The following TDRD5 variants were observed in gnomAD, a reference collection of about 807,000 sequenced individuals.
TDRD5 encodes tudor domain-containing protein 5.
TDRD5 carries 41 observed loss-of-function variants against 120.6 expected under a neutral mutation model. The observed-to-expected ratio is 0.34, with a 90% confidence interval of 0.26 to 0.44. TDRD5 has a LOEUF of 0.44. TDRD5 is among the 20% of genes least tolerant of loss of function. The pLI is 1.00. For synonymous variants in TDRD5, 430 were observed against 433.7 expected (o/e 0.99, Z 0.11); for missense variants, 1,006 against 1,221.2 (o/e 0.82, Z 2.63).
At chr1:179,674,954 A>G (rs1680045465) in intron 17 of TDRD5, among the ~76,000 whole-genome samples, 1 of 152,068 alleles carries the variant, frequency 6.6e-6, no homozygotes, top group Non-Finnish European at 1.5e-5. Context: ...AATCTCACTA[A>G]TGGTCTTTCA....
intron 13 of TDRD5, among the ~76,000 whole-genome samples, chr1:179,653,416 G>A (rs187416027): frequency 1.8e-4 from 28 of 152,136 alleles, no homozygotes; most frequent in African/African-American, 5.3e-4. Flanking sequence ...AATATGTACC[G>A]ATGTTTCCTA....
intron 6 of TDRD5, among the ~76,000 whole-genome samples, chr1:179,628,128 G>C (rs145758142): frequency 6.6e-6 from 1 of 152,114 alleles, no homozygotes; most frequent in Non-Finnish European, 1.5e-5. Context: ...TAATTTGCAG[G>C]AAATAAAGTG....
At chr1:179,690,526 A>G (rs1359482967) in intron 17 of TDRD5, among the ~76,000 whole-genome samples, 170 bp from the exon 18 acceptor site, 1 of 152,060 alleles carries the variant, frequency 6.6e-6, no homozygotes, top group Non-Finnish European at 1.5e-5. Context: ...TTTCCTTTCC[A>G]TTTGTTGACT....
intron 4 of TDRD5, among the ~76,000 whole-genome samples, chr1:179,617,661 G>C (rs908988884): frequency 6.6e-6 from 1 of 151,310 alleles, no homozygotes; most frequent in Non-Finnish European, 1.5e-5. Flanking sequence ...CTTTAATGTC[G>C]ATTGAACAAA....
At chr1:179,619,067 G>C (rs1431683303) in intron 5 of TDRD5, among the ~76,000 whole-genome samples, 2 of 152,020 alleles carry the variant, frequency 1.3e-5, no homozygotes, top group Non-Finnish European at 2.9e-5. Context: ...ATTGATTAAA[G>C]TTTTGGTGTT....
At chr1:179,643,325 GA>G (rs1038941564) in intron 11 of TDRD5, among the ~76,000 whole-genome samples, 97 of 151,618 alleles carry the variant, frequency 6.4e-4, no homozygotes, top group African/African-American at 2.2e-3. Context: ...CTAGACATGG[GA>G]GAAAAAAAAA....
intron 17 of TDRD5, among the ~76,000 whole-genome samples, chr1:179,673,225 C>T (rs778610671): frequency 5.3e-5 from 8 of 152,242 alleles, no homozygotes; most frequent in East Asian, 3.8e-4. Context: ...TACCCATCCA[C>T]GAGCATGAGA....
At chr1:179,622,145 TAAGCTCTGCTCAGATCTCTGCC>T (rs1450426539) in intron 6 of TDRD5, among the ~76,000 whole-genome samples, 1 of 152,210 alleles carries the variant, frequency 6.6e-6, no homozygotes, top group Non-Finnish European at 1.5e-5. Context: ...GCCTGGCACA[TAAGCTCTGCTCAGATCTCTGCC>T]TGACCTTTAA....
At chr1:179,623,212 A>G (rs1041935209) in intron 6 of TDRD5, among the ~76,000 whole-genome samples, 1 of 152,212 alleles carries the variant, frequency 6.6e-6, no homozygotes, top group African/African-American at 2.4e-5. Context: ...TGGTACTATA[A>G]GAATGCTAAA....
At chr1:179,688,849 C>G (rs1680917504) in intron 17 of TDRD5, among the ~76,000 whole-genome samples, 1 of 152,246 alleles carries the variant, frequency 6.6e-6, no homozygotes, top group African/African-American at 2.4e-5. Flanking sequence ...GCTACTGAAG[C>G]TTGTGCATGC....
Position 179,635,896 on chromosome 1 carries a change from CTGT to C in TDRD5, c.1520+14_1520+16del. 1 of 1,608,230 alleles carries C rather than the reference CTGT, an allele frequency of 6.2e-7. No homozygotes were observed. Among genetic ancestry groups the C allele is most frequent in the Non-Finnish European group, 8.5e-7 (1 of 1,176,244 alleles). On this transcript the variant is annotated intron_variant, in intron 9 of 17. Coordinates refer to ENST00000444136, the MANE Select transcript of TDRD5 (RefSeq NM_001199085.3). ...ATGATGATTGAAATGCGGTAGGAGTCTGTTGTTTTCAATGTGTTTTTCACATGT... is the reference window on the plus strand; with the variant it reads ...ATGATGATTGAAATGCGGTAGGAGTCTGTTTTCAATGTGTTTTTCACATGT...
chr1:179,630,957 T>C lies in TDRD5; in HGVS notation c.1126+37T>C, dbSNP rs550038765. 134 of 1,578,628 alleles carry C rather than the reference T, an allele frequency of 8.5e-5. No homozygotes were observed. In the South Asian group the frequency reaches 1.5e-3, roughly 18 times the overall value. On this transcript the variant is annotated intron_variant, in intron 7 of 17. Transcript: ENST00000444136. ...CACAGTATGATGCAAACCTCATTTTTATTGTCCTTATGAGGACAAAGAGAA... is the reference window on the plus strand; with the variant it reads ...CACAGTATGATGCAAACCTCATTTTCATTGTCCTTATGAGGACAAAGAGAA...
chr1:179,607,024 G>A (rs189923498), intron 4 of TDRD5, among the ~76,000 whole-genome samples: 3 of 152,158 alleles, frequency 2.0e-5, no homozygotes, highest in South Asian at 4.1e-4. Context: ...AAATCAAGTT[G>A]GGAAGAGCTA....
At chr1:179,683,915 A>G (rs1572445239) in intron 17 of TDRD5, among the ~76,000 whole-genome samples, 1 of 152,310 alleles carries the variant, frequency 6.6e-6, no homozygotes, top group African/African-American at 2.4e-5. Context: ...TTTATAGACC[A>G]GCTACGAGTA....
Position 179,669,296 on chromosome 1 carries a change from T to C in TDRD5, c.2752T>C (p.Ser918Pro). Reference sequence around the variant, plus strand: ...AGAGCAGTCAGCAGACGGGAGCCAGTCTGAACCCAACAACAGTCAGACTCA... The same window carrying C: ...AGAGCAGTCAGCAGACGGGAGCCAGCCTGAACCCAACAACAGTCAGACTCA... ...QSEQSADGSQ[S>P]EPNNSQTQPK... is the part of the protein sequence containing the mutation. The change falls in exon 17 of 18, where the codon TCT becomes CCT. Residue 918 changes from serine to proline, a missense_variant. Transcript: ENST00000444136. 1.2e-6 allele frequency: 2 copies of C among 1,614,174 alleles called. No individual in the cohort carries two copies. Among genetic ancestry groups the C allele is most frequent in the Non-Finnish European group, 1.7e-6 (2 of 1,180,034 alleles).
At chr1:179,614,729 TG>T (rs1390568264) in intron 4 of TDRD5, among the ~76,000 whole-genome samples, 1 of 152,068 alleles carries the variant, frequency 6.6e-6, no homozygotes, top group East Asian at 1.9e-4. Context: ...ATTATCCTTT[TG>T]TGACACTCGG....
chr1:179,667,947 C>T (rs1338431778), intron 16 of TDRD5, among the ~76,000 whole-genome samples: 1 of 152,166 alleles, frequency 6.6e-6, no homozygotes, highest in Admixed American at 6.5e-5. Context: ...AACAAGCCTA[C>T]ATCTGTTTGT....
At chr1:179,603,468 A>T (rs1675821113) in intron 4 of TDRD5, among the ~76,000 whole-genome samples, 1 of 152,116 alleles carries the variant, frequency 6.6e-6, no homozygotes, top group African/African-American at 2.4e-5. Flanking sequence ...TCTCAGAGGG[A>T]ATGCTTTCAA....
intron 4 of TDRD5, among the ~76,000 whole-genome samples, chr1:179,612,993 C>T (rs573788953): frequency 1.3e-5 from 2 of 150,646 alleles, no homozygotes; most frequent in East Asian, 3.9e-4. Flanking sequence ...CCCCCTCTGT[C>T]TTACAGATTC....
Sources: gnomAD v4.1 joint callset for allele counts (sites outside exome capture counted in the v4.1 genomes callset) on GRCh38, gnomAD v4.1.1 for gene constraint, MANE v1.5 for transcripts, NCBI Gene and HGNC (gene_info 2026-07-23, HGNC 2026-07-21) for gene names.